Variants in PDE4D observed in about 807,000 individuals in gnomAD.
The protein encoded by PDE4D is phosphodiesterase 4D.
In PDE4D, 24 loss-of-function variants were observed where a neutral mutation model predicts 87.4. The observed-to-expected ratio is 0.27, with a 90% CI of 0.20 to 0.39. The LOEUF is 0.39. Ranked by LOEUF, PDE4D falls within the 10% of genes least tolerant of loss-of-function variation. The pLI is 1.00. For synonymous variants in PDE4D, 384 were observed against 383.2 expected, an observed-to-expected ratio of 1.00 and a Z score of -0.02; for missense variants, 714 against 1,041.0, an observed-to-expected ratio of 0.69 and a Z score of 4.32.
intron 1 of PDE4D, among the ~76,000 whole-genome samples, chr5:59,804,892 AG>A (rs1452463109): frequency 6.6e-6 from 1 of 152,146 alleles, no homozygotes; most frequent in Non-Finnish European, 1.5e-5. Flanking sequence ...CCCAGGTTCA[AG>A]CGATTCTCCC....
At chr5:60,460,834 A>G in intron 1 of PDE4D, 1 of 486,534 alleles carries the variant, frequency 2.1e-6, no homozygotes, top group Non-Finnish European at 3.7e-6. Context: ...GTTAAAATTG[A>G]GCAATAACAC....
intron 1 of PDE4D, among the ~76,000 whole-genome samples, chr5:59,878,383 G>A (rs906054009): frequency 6.6e-6 from 1 of 152,090 alleles, no homozygotes; most frequent in African/African-American, 2.4e-5. Flanking sequence ...ACTCAAACAA[G>A]CTAAAAATTA....
intron 1 of PDE4D, among the ~76,000 whole-genome samples, chr5:60,248,052 T>C (rs1311755275): frequency 1.3e-5 from 2 of 152,010 alleles, no homozygotes; most frequent in African/African-American, 4.8e-5. Flanking sequence ...TTTCATATGG[T>C]TCAACTTGAT....
intron 1 of PDE4D, among the ~76,000 whole-genome samples, chr5:60,213,711 T>A (rs1415481378): frequency 6.6e-6 from 1 of 152,196 alleles, no homozygotes; most frequent in African/African-American, 2.4e-5. Context: ...GCTGCGTTTC[T>A]GCTACACCTT....
intron 1 of PDE4D, among the ~76,000 whole-genome samples, chr5:60,302,906 T>C (rs1308356647): frequency 6.6e-6 from 1 of 152,046 alleles, no homozygotes; most frequent in Non-Finnish European, 1.5e-5. Context: ...TCTCGCTCAC[T>C]CCAACCTCCG....
chr5:59,090,433 T>C (rs78839803), intron 5 of PDE4D, among the ~76,000 whole-genome samples: 2,719 of 152,240 alleles, frequency 0.018, 33 homozygotes, highest in Middle Eastern at 0.034. Context: ...TCCCGTGATA[T>C]AGAGGATGTT....
At chr5:60,492,253 A>T (rs190623625), upstream of PDE4D, among the ~76,000 whole-genome samples, 1 of 152,042 alleles carries the variant, frequency 6.6e-6, no homozygotes, top group African/African-American at 2.4e-5. Flanking sequence ...ACACAGCAAG[A>T]CCCCATCTCT....
In PDE4D at chr5:59,282,478, T is replaced by TA. The variant is rs572179647; in HGVS notation, c.456-66511dup. 2.4e-3 allele frequency among the ~76,000 whole-genome samples: 357 copies of TA among 151,366 alleles called. 2 individuals are homozygous for TA. Among genetic ancestry groups the TA allele is most frequent in the Non-Finnish European group, 3.2e-3 (219 of 67,780 alleles). ...AAACATGGTGAAACCCCGTCTCTAC[T>TA]AAAAAAATACAAAACTTAGCTGGGT... is the stretch of plus-strand genomic sequence containing the variant. On this transcript the variant is annotated intron_variant, in intron 1 of 14. Transcript: ENST00000340635.
chr5:60,218,856 A>C (rs1744172106), intron 1 of PDE4D, among the ~76,000 whole-genome samples: 1 of 152,140 alleles, frequency 6.6e-6, no homozygotes, highest in Admixed American at 6.5e-5. Flanking sequence ...AAACTCATTC[A>C]GTGCCACAAA....
intron 1 of PDE4D, among the ~76,000 whole-genome samples, chr5:59,246,199 C>A (rs1758807386): frequency 6.6e-6 from 1 of 151,918 alleles, no homozygotes; most frequent in Non-Finnish European, 1.5e-5. Context: ...GTTTGAAGGA[C>A]ACAATGACAT....
chr5:59,476,272 T>C (rs780451009), intron 1 of PDE4D, among the ~76,000 whole-genome samples: 2 of 151,984 alleles, frequency 1.3e-5, no homozygotes, highest in African/African-American at 2.4e-5. Flanking sequence ...GACTGGGGTA[T>C]GGTACCAGGG....
Position 60,115,660 on chromosome 5 carries a change from T to C in PDE4D, c.42+69897A>G, listed in dbSNP as rs117381975. Among the ~76,000 whole-genome samples the C allele has an allele frequency of 3.4e-3, 516 of 152,194 alleles. 30 individuals carry two copies. In the East Asian group the frequency reaches 0.09, roughly 27 times the overall value. On this transcript the variant is annotated intron_variant, in intron 2 of 16. Transcript: ENST00000502484. ...ATTAAACAGCCAGTTAGTGACAGAA[T>C]TGCTATTTAAATTCACGACTCTTTG...
intron 3 of PDE4D, among the ~76,000 whole-genome samples, chr5:59,950,636 C>T (rs1758197359): frequency 2.0e-5 from 3 of 152,112 alleles, no homozygotes; most frequent in African/African-American, 7.2e-5. Flanking sequence ...CAGGATATCA[C>T]TTAAGATATT....
At chr5:59,031,010 C>T (rs571022927) in intron 6 of PDE4D, among the ~76,000 whole-genome samples, 3 of 152,128 alleles carry the variant, frequency 2.0e-5, no homozygotes, top group Non-Finnish European at 2.9e-5. Flanking sequence ...CCATCCCACC[C>T]GCCAACAGAC....
Position 60,073,497 on chromosome 5 carries a change from T to G in PDE4D, c.43-84780A>C, listed in dbSNP as rs577451970. Reference sequence around the variant, plus strand: ...TTTCTGTGTGTTTGCCAGGTGTTTTTTTTTTTTTTTAAATCAGGATGATGC... The same window carrying G: ...TTTCTGTGTGTTTGCCAGGTGTTTTGTTTTTTTTTTAAATCAGGATGATGC... On this transcript the variant is annotated intron_variant, in intron 2 of 16. Coordinates refer to the PDE4D transcript ENST00000502484. Among the ~76,000 whole-genome samples the G allele has an allele frequency of 5.9e-3, 900 of 151,574 alleles. 11 individuals are homozygous for G. The highest frequency in any genetic ancestry group is 0.021 in the African/African-American group (849 of 41,404).
chr5:60,037,973 T>G (rs796357679), intron 2 of PDE4D, among the ~76,000 whole-genome samples: 4 of 152,318 alleles, frequency 2.6e-5, no homozygotes, highest in African/African-American at 9.6e-5. Flanking sequence ...ATTTTGCAGA[T>G]TTTGGAAAAA....
intron 1 of PDE4D, among the ~76,000 whole-genome samples, chr5:59,617,952 T>C (rs1441248956): frequency 6.6e-6 from 1 of 152,208 alleles, no homozygotes; most frequent in Non-Finnish European, 1.5e-5. Flanking sequence ...ATTCTACTTC[T>C]AGCTTTTCAA....
At chr5:59,607,496 TTC>T (rs1239243019) in intron 1 of PDE4D, among the ~76,000 whole-genome samples, 1 of 152,122 alleles carries the variant, frequency 6.6e-6, no homozygotes. Flanking sequence ...CTCTGGGGTT[TTC>T]TTTTTACAGC....
At chr5:59,973,235 CTT>C (rs1173454925) in intron 3 of PDE4D, among the ~76,000 whole-genome samples, 2 of 151,988 alleles carry the variant, frequency 1.3e-5, no homozygotes, top group African/African-American at 4.8e-5. Context: ...TGGATAAACA[CTT>C]ATTTTCATTA....
Sources: gnomAD v4.1 joint callset for allele counts (sites outside exome capture counted in the v4.1 genomes callset) on GRCh38, gnomAD v4.1.1 for gene constraint, MANE v1.5 for transcripts, NCBI Gene and HGNC (gene_info 2026-07-23, HGNC 2026-07-21) for gene names.